The following DOCK3 variants were observed in gnomAD, a reference collection of about 807,000 sequenced individuals.
DOCK3 encodes the protein dedicator of cytokinesis protein 3.
DOCK3 carries 60 observed loss-of-function variants against 265.6 expected under a neutral mutation model. The observed-to-expected ratio is 0.23, with a 90% CI of 0.18 to 0.28. The LOEUF (loss-of-function observed/expected upper bound fraction) is 0.28, where lower values mean the gene tolerates loss of function less well. Ranked by LOEUF, DOCK3 falls within the 10% of genes least tolerant of loss-of-function variation. The pLI, the probability that DOCK3 is intolerant of heterozygous loss-of-function variation, is 1.00. For missense variants in DOCK3, 1,981 were observed against 2,594.3 expected, an observed-to-expected ratio of 0.76 and a Z score of 5.14; for synonymous variants, 881 against 938.0, an observed-to-expected ratio of 0.94 and a Z score of 1.11.
intron 1 of DOCK3, chr3:50,719,521 G>A (rs993026638): frequency 2.9e-6 from 3 of 1,035,950 alleles, no homozygotes; most frequent in Non-Finnish European, 4.4e-6. Context: ...TCTTCTCACT[G>A]GTCTTGCCGT....
At chr3:51,116,702 G>A (rs771717324) in intron 9 of DOCK3, among the ~76,000 whole-genome samples, 24 of 151,956 alleles carry the variant, frequency 1.6e-4, no homozygotes, top group Non-Finnish European at 3.4e-4. Flanking sequence ...GTATTCCTGG[G>A]CATTTTATTC....
chr3:51,199,248 G>A (rs796961874), intron 12 of DOCK3, among the ~76,000 whole-genome samples: 2 of 152,208 alleles, frequency 1.3e-5, no homozygotes, highest in Non-Finnish European at 2.9e-5. Context: ...TGCATTACTC[G>A]GGAAGCGCAA....
intron 12 of DOCK3, among the ~76,000 whole-genome samples, chr3:51,186,310 C>A (rs1314900965): frequency 6.6e-6 from 1 of 152,078 alleles, no homozygotes; most frequent in African/African-American, 2.4e-5. Flanking sequence ...GAACATTGAA[C>A]TTGAGAGAGA....
intron 1 of DOCK3, among the ~76,000 whole-genome samples, chr3:50,696,081 T>C (rs1403049004): frequency 4.6e-5 from 7 of 152,224 alleles, no homozygotes; most frequent in African/African-American, 1.7e-4. Flanking sequence ...CCATTTGATA[T>C]CTCTGTGTCT....
intron 1 of DOCK3, chr3:50,719,922 A>G: frequency 5.3e-6 from 3 of 568,790 alleles, no homozygotes; most frequent in Admixed American, 4.8e-5. Flanking sequence ...AAGGAGATGC[A>G]GCCCAAGGGC....
chr3:51,297,140 A>AAAAC (rs71084140), intron 27 of DOCK3, among the ~76,000 whole-genome samples: 1 of 150,586 alleles, frequency 6.6e-6, no homozygotes, highest in Non-Finnish European at 1.5e-5. Context: ...AAAAAAAAAA[A>AAAAC]TCTACATGTA....
chr3:51,336,126 T>C (rs1340863365), intron 35 of DOCK3, among the ~76,000 whole-genome samples: 1 of 152,096 alleles, frequency 6.6e-6, no homozygotes, highest in Non-Finnish European at 1.5e-5. Context: ...AAATAATCAA[T>C]AGATTGTACT....
chr3:51,015,280 G>C (rs1026177713), intron 5 of DOCK3, among the ~76,000 whole-genome samples: 11 of 151,966 alleles, frequency 7.2e-5, no homozygotes, highest in African/African-American at 2.7e-4. Context: ...GTTATATATG[G>C]CTTTTACTGT....
At chr3:50,714,988 C>T (rs1416467915) in intron 1 of DOCK3, among the ~76,000 whole-genome samples, 1 of 152,200 alleles carries the variant, frequency 6.6e-6, no homozygotes, top group Non-Finnish European at 1.5e-5. Flanking sequence ...CCCACTGAAC[C>T]TTTTATGTGC....
chr3:50,888,068 T>C (rs1485429645), intron 3 of DOCK3, among the ~76,000 whole-genome samples: 1 of 152,136 alleles, frequency 6.6e-6, no homozygotes, highest in Non-Finnish European at 1.5e-5. Context: ...GGAAGTCAAA[T>C]TGTCCCTGTT....
chr3:51,181,778 A>G (rs964269261), intron 12 of DOCK3, among the ~76,000 whole-genome samples: 3 of 152,074 alleles, frequency 2.0e-5, no homozygotes, highest in Non-Finnish European at 4.4e-5. Flanking sequence ...TTTTTTTTCT[A>G]ACAGGAGCAG....
At chr3:51,079,005 G>C (rs1406671425) in intron 7 of DOCK3, among the ~76,000 whole-genome samples, 1 of 152,038 alleles carries the variant, frequency 6.6e-6, no homozygotes, top group Non-Finnish European at 1.5e-5. Flanking sequence ...AACCACTTAG[G>C]ATTTATATGT....
intron 1 of DOCK3, among the ~76,000 whole-genome samples, chr3:50,687,984 T>A (rs974952574): frequency 6.6e-6 from 1 of 152,198 alleles, no homozygotes; most frequent in African/African-American, 2.4e-5. Flanking sequence ...CTACAGTGAC[T>A]CAATCCTCTC....
intron 9 of DOCK3, among the ~76,000 whole-genome samples, chr3:51,092,657 C>T (rs1426759572): frequency 6.6e-6 from 1 of 152,184 alleles, no homozygotes; most frequent in African/African-American, 2.4e-5. Flanking sequence ...AGCGTTTGAG[C>T]TCTGCTAAGG....
At chr3:50,804,487 G>T (rs921264211) in intron 2 of DOCK3, among the ~76,000 whole-genome samples, 6 of 152,134 alleles carry the variant, frequency 3.9e-5, no homozygotes, top group African/African-American at 7.2e-5. Flanking sequence ...CTGCAATCCC[G>T]GTACCTTGGG....
At chr3:50,829,123 T>C (rs2044968817) in intron 2 of DOCK3, among the ~76,000 whole-genome samples, 1 of 152,218 alleles carries the variant, frequency 6.6e-6, no homozygotes, top group Non-Finnish European at 1.5e-5. Flanking sequence ...TAGTATTTCT[T>C]TCAGCGCTGG....
At chr3:51,278,105 C>A in intron 26 of DOCK3, 5 of 985,372 alleles carry the variant, frequency 5.1e-6, no homozygotes, top group Non-Finnish European at 6.0e-6. Flanking sequence ...TTCTAGGAAC[C>A]CCCTCATACA....
Position 50,943,961 on chromosome 3 carries a change from T to C in DOCK3, c.315+9884T>C, listed in dbSNP as rs559606873. ...GTTAGAGATGAAATGAAAAAACATA[T>C]AAATCTTCAAGTGGTCAATGAATAT... On this transcript the variant is annotated intron_variant, in intron 5 of 52. Transcript: ENST00000266037. Among the ~76,000 whole-genome samples the C allele has an allele frequency of 5.3e-5, 8 of 152,278 alleles. 2 individuals carry two copies. Among genetic ancestry groups the C allele is most frequent in the African/African-American group, 1.7e-4 (7 of 41,566 alleles).
chr3:51,348,735 A>G, intron 38 of DOCK3, 117 bp from the exon 39 acceptor site: 1 of 1,002,456 alleles, frequency 1.0e-6, no homozygotes. Flanking sequence ...GTTCTTTGTG[A>G]CACATGAGTT....
Sources: gnomAD v4.1 joint callset for allele counts (sites outside exome capture counted in the v4.1 genomes callset) on GRCh38, gnomAD v4.1.1 for gene constraint, MANE v1.5 for transcripts, NCBI Gene and HGNC (gene_info 2026-07-23, HGNC 2026-07-21) for gene names.